The following PCNX1 variants were observed in gnomAD, a reference collection of about 807,000 sequenced individuals.
PCNX1 encodes pecanex 1.
PCNX1 carries 78 observed loss-of-function variants against 242.2 expected under a neutral mutation model. That is an observed-to-expected ratio of 0.32 (90% CI 0.27 to 0.39). The LOEUF is 0.39. Ranked by LOEUF, PCNX1 falls within the 10% of genes least tolerant of loss-of-function variation. The probability of loss-of-function intolerance (pLI) is 1.00; values close to 1 mark genes in which losing one functional copy is unlikely to be tolerated. For synonymous variants in PCNX1, 1,024 were observed against 1,032.9 expected, an observed-to-expected ratio of 0.99 and a Z score of 0.17; for missense variants, 2,581 against 2,856.5, an observed-to-expected ratio of 0.90 and a Z score of 2.20.
At chr14:71,009,273 T>G (rs2059755830) in intron 8 of PCNX1, among the ~76,000 whole-genome samples, 2 of 152,196 alleles carry the variant, frequency 1.3e-5, no homozygotes, top group Non-Finnish European at 2.9e-5. Context: ...GCTTTGCAAA[T>G]GGGTACTCAC....
At chr14:71,055,334 A>G (rs1298982623) in intron 24 of PCNX1, among the ~76,000 whole-genome samples, 170 bp from the exon 25 acceptor site, 1 of 152,090 alleles carries the variant, frequency 6.6e-6, no homozygotes, top group Non-Finnish European at 1.5e-5. Context: ...TTTAATTTCC[A>G]AAAGTGTGCT....
At chr14:70,910,980 G>A (rs2055879218) in intron 1 of PCNX1, among the ~76,000 whole-genome samples, 1 of 152,182 alleles carries the variant, frequency 6.6e-6, no homozygotes, top group East Asian at 1.9e-4. Flanking sequence ...GGGTGGTCAG[G>A]ACAGAGAATT....
chr14:70,933,873 C>T (rs2056898176), intron 1 of PCNX1, among the ~76,000 whole-genome samples: 2 of 152,154 alleles, frequency 1.3e-5, no homozygotes, highest in African/African-American at 4.8e-5. Context: ...GTAACATAGA[C>T]TGGAAAAGAT....
rs2062824742 is a variant in PCNX1, at chr14:71,114,894, C to CAAGA, written c.*4960_*4963dup. ...TGGGTTTAGTGTACTTGTGATTGAA[C>CAAGA]AAGATTTTTTATCTATGAAGCTTGA... On this transcript the variant is annotated 3_prime_UTR_variant, in exon 36 of 36. Transcript: ENST00000304743. 1 of 116,450 alleles carries CAAGA rather than the reference C, an allele frequency of 8.6e-6. No individual in the cohort carries two copies. The highest frequency in any genetic ancestry group is 2.8e-4 in the South Asian group (1 of 3,514). The allele number at this position is 116,450 out of a possible 1,614,324, so 7.2% of individuals were successfully genotyped here.
At chr14:71,103,809 G>C in intron 32 of PCNX1, 140 bp downstream of exon 32, 1 of 670,892 alleles carries the variant, frequency 1.5e-6, no homozygotes, top group Middle Eastern at 3.8e-4. Context: ...TGAACTTCAA[G>C]AAGTAGAATC....
At chr14:71,066,977 T>C (rs2061462871) in intron 26 of PCNX1, among the ~76,000 whole-genome samples, 1 of 152,220 alleles carries the variant, frequency 6.6e-6, no homozygotes. Flanking sequence ...TCATGGTGAA[T>C]AAGCTTTTTG....
intron 19 of PCNX1, chr14:71,044,547 C>G (rs1196454368): frequency 1.3e-5 from 2 of 152,406 alleles, no homozygotes; most frequent in Admixed American, 6.5e-5. Flanking sequence ...CAGGAAGGAA[C>G]AGATGACCCT....
At chr14:71,070,459 A>AATT (rs1438487758) in intron 26 of PCNX1, among the ~76,000 whole-genome samples, 1 of 152,218 alleles carries the variant, frequency 6.6e-6, no homozygotes, top group Non-Finnish European at 1.5e-5. Flanking sequence ...TTTATTTCTT[A>AATT]AGTAATAAGA....
chr14:71,005,394 G>A (rs1475155268), intron 8 of PCNX1, among the ~76,000 whole-genome samples: 1 of 151,958 alleles, frequency 6.6e-6, no homozygotes, highest in Non-Finnish European at 1.5e-5. Flanking sequence ...TGCAGCCCCA[G>A]CTACTCAGGA....
chr14:71,085,282 A>G (rs1348117255), intron 28 of PCNX1, among the ~76,000 whole-genome samples: 3 of 152,156 alleles, frequency 2.0e-5, no homozygotes, highest in East Asian at 1.9e-4. Context: ...GGAGCTGTTC[A>G]TGTTCGGCCA....
chr14:71,061,214 C>T (rs1408818232), intron 26 of PCNX1, among the ~76,000 whole-genome samples: 10 of 152,102 alleles, frequency 6.6e-5, no homozygotes. Flanking sequence ...AATGGAAGCC[C>T]TTTGTGATCT....
chr14:71,034,647 A>G (rs1185082228), intron 18 of PCNX1, among the ~76,000 whole-genome samples: 1 of 152,206 alleles, frequency 6.6e-6, no homozygotes, highest in African/African-American at 2.4e-5. Context: ...AATAAAACAA[A>G]ATCTTTTTCT....
chr14:70,947,189 A>T (rs2057491198), intron 2 of PCNX1, 66 bp downstream of exon 2: 2 of 1,174,552 alleles, frequency 1.7e-6, no homozygotes, highest in South Asian at 2.7e-5. Flanking sequence ...TAATGATGTG[A>T]TTATTATATT....
chr14:71,083,657 TG>T (rs1005659248), intron 28 of PCNX1, among the ~76,000 whole-genome samples: 3 of 152,126 alleles, frequency 2.0e-5, no homozygotes, highest in African/African-American at 7.2e-5. Flanking sequence ...TTGATACTTT[TG>T]TATGCTTCAC....
chr14:71,025,037 C>G (rs1167935883), intron 13 of PCNX1, among the ~76,000 whole-genome samples: 2 of 152,150 alleles, frequency 1.3e-5, no homozygotes, highest in Admixed American at 1.3e-4. Context: ...GTTTTAGTAT[C>G]TACTGATGTT....
chr14:70,973,823 A>C (rs1028791843), intron 5 of PCNX1, among the ~76,000 whole-genome samples: 2 of 152,156 alleles, frequency 1.3e-5, no homozygotes, highest in African/African-American at 4.8e-5. Context: ...TCTGCCACTG[A>C]TAAACTTTTT....
intron 26 of PCNX1, among the ~76,000 whole-genome samples, chr14:71,059,716 G>T (rs1276088791): frequency 6.6e-6 from 1 of 152,056 alleles, no homozygotes; most frequent in South Asian, 2.1e-4. Flanking sequence ...AGACACATTT[G>T]ATCATGGCAT....
intron 26 of PCNX1, among the ~76,000 whole-genome samples, chr14:71,066,734 TA>T (rs1225192536): frequency 1.3e-5 from 2 of 152,204 alleles, no homozygotes; most frequent in Admixed American, 1.3e-4. Flanking sequence ...AGTATGATAT[TA>T]GCTGTGGGTT....
At chr14:70,939,536 A>G (rs1185233620) in intron 1 of PCNX1, among the ~76,000 whole-genome samples, 1 of 152,174 alleles carries the variant, frequency 6.6e-6, no homozygotes, top group Non-Finnish European at 1.5e-5. Flanking sequence ...TTTGCTGAGG[A>G]GTGCTTTACT....
Sources: allele counts gnomAD v4.1 joint callset (sites outside exome capture counted in the v4.1 genomes callset), GRCh38; gene constraint gnomAD v4.1.1; transcripts MANE v1.5; gene names NCBI Gene and HGNC (gene_info 2026-07-23, HGNC 2026-07-21).